MRPS21: variants seen among roughly 807,000 people sequenced by gnomAD.
MRPS21 encodes the protein small ribosomal subunit protein bS21m.
In MRPS21, 8 loss-of-function variants were observed where a neutral mutation model predicts 9.9. The observed-to-expected ratio is 0.81, with a 90% CI of 0.47 to 1.45. The LOEUF (loss-of-function observed/expected upper bound fraction) is 1.45. Among genes scored for constraint, MRPS21 ranks in the 40% most tolerant of loss-of-function variants. The pLI is 0.00. For synonymous variants in MRPS21, 40 were observed against 40.3 expected (o/e 0.99, Z 0.03); for missense variants, 101 against 118.9 (o/e 0.85, Z 0.70).
chr1:150,298,756 T>C (rs1654005792), intron 2 of MRPS21, among the ~76,000 whole-genome samples: 1 of 152,054 alleles, frequency 6.6e-6, no homozygotes, highest in Non-Finnish European at 1.5e-5. Context: ...CGCATGCCAC[T>C]ACCCCGGCTA....
chr1:150,294,396 G>A lies in MRPS21; in HGVS notation c.30G>A (p.Arg10=). 2 of 1,613,750 alleles carry A rather than the reference G, an allele frequency of 1.2e-6. No individual in the cohort carries two copies. Among genetic ancestry groups the A allele is most frequent in the Non-Finnish European group, 1.7e-6 (2 of 1,179,884 alleles). MAKHLKFIA[R]TVMVQEGNVE... ...CAAAACATCTGAAGTTCATCGCCAG[G>A]ACTGTGATGGTACAGGAAGGGAACG... Residue 10 remains arginine (R), a synonymous_variant, in exon 2 of 3, where the codon AGG becomes AGA. Coordinates refer to ENST00000614145, the MANE Select transcript of MRPS21 (RefSeq NM_031901.6).
rs1459316513 is a variant in MRPS21, at chr1:150,305,022, A to G, written c.84-3026A>G. 20 of 398,844 alleles carry G rather than the reference A, an allele frequency of 5.0e-5. No homozygotes were observed. In the Admixed American group the frequency reaches 5.9e-4, roughly 12 times the overall value. 24.7% of individuals were successfully genotyped at this position (398,844 alleles called of 1,614,324 possible). On this transcript the variant is annotated intron_variant, in intron 2 of 2. Transcript: ENST00000614145. The stretch of plus-strand genomic sequence containing the variant: ...CCATTGCACTCCAGCCTGGGCAACA[A>G]GTGCGCAACTCCGTCTCAAAAGAAA...
chr1:150,306,372 T>G (rs782265356), intron 2 of MRPS21, among the ~76,000 whole-genome samples: 2 of 148,000 alleles, frequency 1.4e-5, no homozygotes, highest in Non-Finnish European at 3.0e-5. Flanking sequence ...CCACCCCGAG[T>G]TCAAGGGATT....
At chr1:150,300,416 C>T (rs1654073475) in intron 2 of MRPS21, among the ~76,000 whole-genome samples, 1 of 152,066 alleles carries the variant, frequency 6.6e-6, no homozygotes, top group African/African-American at 2.4e-5. Flanking sequence ...CTTGGATTTA[C>T]CAAAGTGTCT....
At chr1:150,294,907 A>AAAAAAG (rs1553856268) in intron 2 of MRPS21, among the ~76,000 whole-genome samples, 4 of 150,710 alleles carry the variant, frequency 2.7e-5, no homozygotes, top group African/African-American at 9.8e-5. Flanking sequence ...AAAAAAAAAG[A>AAAAAAG]AAAAAAGTTC....
intron 2 of MRPS21, chr1:150,301,309 TG>T: frequency 7.1e-6 from 2 of 282,934 alleles, no homozygotes; most frequent in South Asian, 2.8e-5. Context: ...CACTCCAACC[TG>T]GGGGACGAGA....
chr1:150,296,434 C>G (rs887375428), intron 2 of MRPS21, among the ~76,000 whole-genome samples: 2 of 152,186 alleles, frequency 1.3e-5, no homozygotes, highest in Admixed American at 6.5e-5. Flanking sequence ...AAGGAAGGGG[C>G]TCCTGTAGTG....
At chr1:150,300,923 C>T (rs587757913) in intron 2 of MRPS21, among the ~76,000 whole-genome samples, 27 of 152,098 alleles carry the variant, frequency 1.8e-4, no homozygotes, top group Non-Finnish European at 2.6e-4. Flanking sequence ...TTTGGCCAGG[C>T]GCGGTGGCTC....
At chr1:150,303,968 G>A (rs1013884680) in intron 2 of MRPS21, 3 of 454,806 alleles carry the variant, frequency 6.6e-6, no homozygotes, top group Middle Eastern at 3.3e-4. Flanking sequence ...CCTTAGAAAA[G>A]ACACAACCCA....
intron 2 of MRPS21, among the ~76,000 whole-genome samples, chr1:150,295,976 G>A (rs951405816): frequency 1.5e-5 from 2 of 135,342 alleles, no homozygotes. Context: ...TTTTTAAAAC[G>A]GAGTCTTGCT....
chr1:150,294,498 G>A (rs782208012), intron 2 of MRPS21, 49 bp downstream of exon 2: 7 of 1,470,590 alleles, frequency 4.8e-6, no homozygotes, highest in African/African-American at 4.2e-5. Context: ...GGGAAGTGCG[G>A]TGGTTATTCT....
chr1:150,295,453 T>C (rs782759958), intron 2 of MRPS21, among the ~76,000 whole-genome samples: 1 of 152,188 alleles, frequency 6.6e-6, no homozygotes, highest in Non-Finnish European at 1.5e-5. Context: ...CCAAGCGTAA[T>C]GACTCCTTTT....
chr1:150,307,906 G>A, intron 2 of MRPS21, 142 bp from the exon 3 acceptor site: 1 of 752,332 alleles, frequency 1.3e-6, no homozygotes, highest in Non-Finnish European at 2.0e-6. Context: ...TTTGTAAGTA[G>A]GCAGTTAATG....
In MRPS21 at chr1:150,294,959, C is replaced by T. The variant is rs1023228123; in HGVS notation, c.83+510C>T. On this transcript the variant is annotated intron_variant, in intron 2 of 2. Coordinates refer to ENST00000614145, the MANE Select transcript of MRPS21 (RefSeq NM_031901.6). ...GTATGAATTGTATTCAACAAGTAAT[C>T]ACCCCCCGCACCTCCCCGCTTTTAA... Among the ~76,000 whole-genome samples, 6 of 150,440 alleles carry T rather than the reference C, an allele frequency of 4.0e-5. No homozygotes were observed. The South Asian group carries it at 1.3e-3, about 32-fold the overall frequency.
At chr1:150,303,935 G>A (rs782309948) in intron 2 of MRPS21, 79 of 455,900 alleles carry the variant, frequency 1.7e-4, no homozygotes, top group Non-Finnish European at 2.6e-4. Flanking sequence ...AGGTGCAAAA[G>A]TGAATACAGA....
chr1:150,306,743 C>T (rs781787475), intron 2 of MRPS21, among the ~76,000 whole-genome samples: 10 of 152,140 alleles, frequency 6.6e-5, no homozygotes. Flanking sequence ...GATCCGCCCA[C>T]CTCGGCCTCC....
intron 2 of MRPS21, among the ~76,000 whole-genome samples, chr1:150,298,322 C>A (rs782146220): frequency 2.0e-5 from 3 of 152,298 alleles, no homozygotes; most frequent in Non-Finnish European, 4.4e-5. Context: ...GCATGTATTA[C>A]GTGTAACTTC....
intron 1 of MRPS21, 90 bp downstream of exon 1, chr1:150,293,988 C>CA (rs1653816702): frequency 4.2e-6 from 1 of 237,488 alleles, no homozygotes; most frequent in Non-Finnish European, 8.7e-6. Flanking sequence ...CAAAGACCAA[C>CA]AAAGAGTCCT....
Position 150,308,862 on chromosome 1 carries a change from G to A in MRPS21, c.*634G>A, listed in dbSNP as rs1281526535. The A allele has an allele frequency of 6.5e-6, 1 of 154,548 alleles. No individual in the cohort carries two copies. The highest frequency in any genetic ancestry group is 2.0e-4 in the South Asian group (1 of 4,918). 9.6% of individuals were successfully genotyped at this position (154,548 alleles called of 1,614,324 possible). On this transcript the variant is annotated 3_prime_UTR_variant, in exon 3 of 3. Coordinates refer to ENST00000614145, the MANE Select transcript of MRPS21 (RefSeq NM_031901.6). ...AAACAAAAAAACGGAGATGGATGAT[G>A]AATGGTGATGGCGGTTGCTCAAAAA...
Sources: gnomAD v4.1 joint callset for allele counts (sites outside exome capture counted in the v4.1 genomes callset) on GRCh38, gnomAD v4.1.1 for gene constraint, MANE v1.5 for transcripts, NCBI Gene and HGNC (gene_info 2026-07-23, HGNC 2026-07-21) for gene names.